The following SAFB variants were observed in gnomAD, a reference collection of about 807,000 sequenced individuals.
SAFB encodes scaffold attachment factor B1.
A neutral mutation model predicts 101.6 loss-of-function variants in SAFB; 15 were observed. That is an observed-to-expected ratio of 0.15 (90% CI 0.10 to 0.23). SAFB has a LOEUF of 0.23. SAFB is among the 10% of genes least tolerant of loss of function. SAFB has a pLI of 1.00. For missense variants in SAFB, 930 were observed against 1,104.1 expected (o/e 0.84, Z 2.23); for synonymous variants, 449 against 407.5 (o/e 1.10, Z -1.23).
intron 4 of SAFB, among the ~76,000 whole-genome samples, chr19:5,642,659 T>C (rs1023182790): frequency 7.5e-6 from 1 of 133,074 alleles, no homozygotes; most frequent in African/African-American, 2.8e-5. Flanking sequence ...TTCTTTTTTT[T>C]TTTTTTTTTT....
Position 5,659,788 on chromosome 19 carries a change from T to TG in SAFB, c.1863-1724dup, listed in dbSNP as rs200142342. On this transcript the variant is annotated intron_variant, in intron 14 of 20. Coordinates refer to ENST00000588852, the MANE Select transcript of SAFB (RefSeq NM_001201338.2). ...GGGGGAGTAATGAACACGGGCAGCC[T>TG]GGGGGGCCCCCACAGGAGCCTGCCG... 1.9e-3 allele frequency among the ~76,000 whole-genome samples: 283 copies of TG among 151,848 alleles called. 7 individuals carry two copies. In the East Asian group the frequency reaches 0.046, roughly 25 times the overall value.
intron 14 of SAFB, 174 bp from the exon 15 acceptor site, chr19:5,661,344 G>A: frequency 1.8e-6 from 2 of 1,141,232 alleles, no homozygotes; most frequent in Non-Finnish European, 2.4e-6. Context: ...AGATCTTCCT[G>A]GGCTGCTCCT....
intron 2 of SAFB, among the ~76,000 whole-genome samples, chr19:5,639,311 T>C (rs2053656534): frequency 6.6e-6 from 1 of 152,206 alleles, no homozygotes; most frequent in Non-Finnish European, 1.5e-5. Context: ...AGGTGTATAT[T>C]ATTTAGCCTT....
At chr19:5,643,243 G>C (rs1202099946) in intron 4 of SAFB, among the ~76,000 whole-genome samples, 1 of 152,148 alleles carries the variant, frequency 6.6e-6, no homozygotes, top group Admixed American at 6.5e-5. Flanking sequence ...GGCCCTTTCT[G>C]TGTTGGCTCG....
chr19:5,664,307 A>C lies in SAFB; in HGVS notation c.2292-90A>C. ...CAGGTCTCCTGCCTTCAGTTAGGGAAATTATGCTTTTCATTGGGGGCCTGA... is the reference window on the plus strand; with the variant it reads ...CAGGTCTCCTGCCTTCAGTTAGGGACATTATGCTTTTCATTGGGGGCCTGA... On this transcript the variant is annotated intron_variant, in intron 16 of 20. Coordinates refer to ENST00000588852, the MANE Select transcript of SAFB (RefSeq NM_001201338.2). The C allele has an allele frequency of 2.8e-6, 4 of 1,449,838 alleles. No homozygotes were observed. The Admixed American group carries it at 6.8e-5, about 25-fold the overall frequency. The allele number at this position is 1,449,838 out of a possible 1,614,324, so 89.8% of individuals were successfully genotyped here.
intron 9 of SAFB, among the ~76,000 whole-genome samples, chr19:5,652,645 C>T (rs1451700023): frequency 6.6e-6 from 1 of 152,122 alleles, no homozygotes; most frequent in Non-Finnish European, 1.5e-5. Flanking sequence ...CACATCACTG[C>T]GTTTTGTTAC....
chr19:5,634,229 T>G (rs891561386), intron 2 of SAFB, among the ~76,000 whole-genome samples: 42 of 152,088 alleles, frequency 2.8e-4, no homozygotes, highest in African/African-American at 9.4e-4. Flanking sequence ...TGACTTTTTA[T>G]CAGAAAATTG....
Position 5,657,260 on chromosome 19 carries a change from G to T in SAFB, c.1775G>T (p.Arg592Leu), listed in dbSNP as rs142856767. The T allele has an allele frequency of 6.2e-7, 1 of 1,613,788 alleles. No homozygotes were observed. The highest frequency in any genetic ancestry group is 1.1e-5 in the South Asian group (1 of 91,056). Residue 592 changes from arginine (R) to leucine (L), a missense_variant, in exon 14 of 21, where the codon CGC becomes CTC. This residue lies in a region of SAFB where 159 missense variants were observed against 234.1 expected (regional missense o/e 0.68). Coordinates refer to ENST00000588852, the MANE Select transcript of SAFB (RefSeq NM_001201338.2). ...AACTAGGCTTCCAAAAGCCAGGATCGCAAATCAGCCAGCAGAGAGAAGCGG... is the reference window on the plus strand; with the variant it reads ...AACTAGGCTTCCAAAAGCCAGGATCTCAAATCAGCCAGCAGAGAGAAGCGG... ...SKERASKSQDRKSASREKRSV... is the reference protein window; with the variant it reads ...SKERASKSQDLKSASREKRSV...
At chr19:5,656,846 C>G (rs1300142664) in intron 13 of SAFB, among the ~76,000 whole-genome samples, 1 of 152,138 alleles carries the variant, frequency 6.6e-6, no homozygotes, top group African/African-American at 2.4e-5. Flanking sequence ...TCTTGGCTCA[C>G]TGCAAGCTCT....
intron 4 of SAFB, among the ~76,000 whole-genome samples, chr19:5,644,108 G>T (rs1160474974): frequency 2.0e-5 from 3 of 152,050 alleles, no homozygotes; most frequent in African/African-American, 4.8e-5. Context: ...TCAAGACAGG[G>T]TCTCATGGTG....
intron 2 of SAFB, among the ~76,000 whole-genome samples, chr19:5,626,834 C>T (rs2053374429): frequency 6.6e-6 from 1 of 152,136 alleles, no homozygotes; most frequent in African/African-American, 2.4e-5. Context: ...TCACATGAGC[C>T]TGGGAGTTCA....
At chr19:5,644,821 A>T (rs997540965) in intron 4 of SAFB, among the ~76,000 whole-genome samples, 1 of 152,220 alleles carries the variant, frequency 6.6e-6, no homozygotes, top group African/African-American at 2.4e-5. Context: ...CAAGTAGGGC[A>T]TAGGATATTG....
chr19:5,633,489 A>G (rs905440459), intron 2 of SAFB, among the ~76,000 whole-genome samples: 6 of 152,116 alleles, frequency 3.9e-5, no homozygotes, highest in African/African-American at 1.4e-4. Flanking sequence ...ATTAGAAACC[A>G]GGGTCTGCAG....
intron 4 of SAFB, among the ~76,000 whole-genome samples, chr19:5,643,858 C>CA (rs550517968): frequency 0.28 from 31,498 of 114,274 alleles, 3,679 homozygotes; most frequent in Middle Eastern, 0.41. Context: ...GTGAGACTCT[C>CA]AAAAAAAAAA....
At chr19:5,636,302 C>T (rs1238357300) in intron 2 of SAFB, among the ~76,000 whole-genome samples, 1 of 152,084 alleles carries the variant, frequency 6.6e-6, no homozygotes, top group African/African-American at 2.4e-5. Context: ...CAGAAACCAA[C>T]GTACGTATCA....
chr19:5,652,196 A>C (rs1437031062), intron 9 of SAFB, among the ~76,000 whole-genome samples: 1 of 152,016 alleles, frequency 6.6e-6, no homozygotes, highest in East Asian at 1.9e-4. Context: ...ATCTTAAAAA[A>C]AGAAAAAAAA....
chr19:5,635,775 A>T (rs912813901), intron 2 of SAFB, among the ~76,000 whole-genome samples: 2 of 152,086 alleles, frequency 1.3e-5, no homozygotes. Context: ...CAGGCGATAG[A>T]GGCGATGACG....
intron 2 of SAFB, among the ~76,000 whole-genome samples, chr19:5,632,989 T>C (rs543643836): frequency 3.9e-5 from 6 of 152,250 alleles, no homozygotes; most frequent in Admixed American, 3.3e-4. Context: ...CAAATGCTAT[T>C]GGCCAGGTTT....
intron 14 of SAFB, among the ~76,000 whole-genome samples, chr19:5,660,109 C>T (rs1388703853): frequency 6.6e-6 from 1 of 152,162 alleles, no homozygotes; most frequent in African/African-American, 2.4e-5. Flanking sequence ...GGGACAGAAA[C>T]ACACAGTTGT....
Sources: gnomAD v4.1 joint callset for allele counts (sites outside exome capture counted in the v4.1 genomes callset) on GRCh38, gnomAD v4.1.1 for gene constraint, gnomAD v4.1.1 regional missense constraint, MANE v1.5 for transcripts, NCBI Gene and HGNC (gene_info 2026-07-23, HGNC 2026-07-21) for gene names.